GRM7: variants seen among roughly 807,000 people sequenced by gnomAD.
GRM7 encodes metabotropic glutamate receptor 7.
GRM7 carries 35 observed loss-of-function variants against 84.5 expected under a neutral mutation model. The ratio of observed to expected loss-of-function variants is 0.41; its 90% CI spans 0.32 to 0.55. The LOEUF is 0.55. GRM7 is among the 20% of genes least tolerant of loss of function. The pLI, the probability that GRM7 is intolerant of heterozygous loss-of-function variation, is 0.19. For missense variants in GRM7, 1,003 were observed against 1,194.6 expected (o/e 0.84, Z 2.36); for synonymous variants, 487 against 455.1 (o/e 1.07, Z -0.89).
intron 1 of GRM7, among the ~76,000 whole-genome samples, chr3:7,145,134 C>A (rs971242557): frequency 6.6e-6 from 1 of 151,962 alleles, no homozygotes; most frequent in East Asian, 1.9e-4. Context: ...TTTCAGGGCT[C>A]GAGGAATCAA....
In GRM7 at chr3:7,654,819, A is replaced by G. The variant is rs575951461; in HGVS notation, c.2452-25230A>G. Reference sequence around the variant, plus strand: ...TTTTTGTTCTTACGAAATACTATCCATAACTTAACTCCCAATTCTGTATTA... The same window carrying G: ...TTTTTGTTCTTACGAAATACTATCCGTAACTTAACTCCCAATTCTGTATTA... On this transcript the variant is annotated intron_variant, in intron 8 of 9. Coordinates refer to ENST00000357716, the MANE Select transcript of GRM7 (RefSeq NM_000844.4). 3.9e-5 allele frequency among the ~76,000 whole-genome samples: 6 copies of G among 152,364 alleles called. No individual in the cohort carries two copies. In the South Asian group the frequency reaches 1.2e-3, roughly 32 times the overall value.
intron 5 of GRM7, among the ~76,000 whole-genome samples, chr3:7,427,755 C>T (rs1204840245): frequency 6.6e-6 from 1 of 152,080 alleles, no homozygotes; most frequent in Non-Finnish European, 1.5e-5. Flanking sequence ...CCTCTGAGAT[C>T]ATTTTTGCTA....
At chr3:7,411,061 G>A (rs1695916164) in intron 4 of GRM7, among the ~76,000 whole-genome samples, 1 of 151,942 alleles carries the variant, frequency 6.6e-6, no homozygotes, top group Non-Finnish European at 1.5e-5. Flanking sequence ...CCCCATCTGT[G>A]TTCTTCTTCA....
At chr3:6,973,418 T>C (rs535620563) in intron 1 of GRM7, among the ~76,000 whole-genome samples, 30 of 152,306 alleles carry the variant, frequency 2.0e-4, no homozygotes, top group African/African-American at 6.3e-4. Flanking sequence ...AGGGAAAATG[T>C]ATACATATAC....
chr3:7,202,228 T>C (rs1366359160), intron 2 of GRM7, among the ~76,000 whole-genome samples: 1 of 152,238 alleles, frequency 6.6e-6, no homozygotes, highest in Non-Finnish European at 1.5e-5. Context: ...TCTTCTCTCA[T>C]TAAATACTAC....
chr3:7,039,748 T>C (rs1696522489), intron 1 of GRM7, among the ~76,000 whole-genome samples: 1 of 152,138 alleles, frequency 6.6e-6, no homozygotes, highest in African/African-American at 2.4e-5. Context: ...CCTAGATTAG[T>C]GAGACTCTGT....
intron 1 of GRM7, among the ~76,000 whole-genome samples, chr3:7,103,830 GTCTC>G (rs1699206473): frequency 1.5e-5 from 1 of 66,836 alleles, no homozygotes; most frequent in East Asian, 3.9e-4. Flanking sequence ...CTCTCTCTCT[GTCTC>G]TCTCTCCCTC....
At chr3:6,936,039 G>A (rs1168335974) in intron 1 of GRM7, among the ~76,000 whole-genome samples, 1 of 152,018 alleles carries the variant, frequency 6.6e-6, no homozygotes, top group Non-Finnish European at 1.5e-5. Context: ...TGCTTGCTTG[G>A]AAGTCTCCCA....
At chr3:6,931,035 CTAA>C (rs1697481731) in intron 1 of GRM7, among the ~76,000 whole-genome samples, 1 of 152,178 alleles carries the variant, frequency 6.6e-6, no homozygotes, top group Non-Finnish European at 1.5e-5. Context: ...ATTCTAGCAC[CTAA>C]AGGAGCCAGG....
chr3:7,162,442 G>A (rs950485659), intron 2 of GRM7, among the ~76,000 whole-genome samples: 3 of 151,604 alleles, frequency 2.0e-5, no homozygotes, highest in Non-Finnish European at 2.9e-5. Context: ...ATGAAATGAA[G>A]GTCCAGTGAG....
At chr3:7,034,095 A>C (rs1574815666) in intron 1 of GRM7, among the ~76,000 whole-genome samples, 1 of 152,184 alleles carries the variant, frequency 6.6e-6, no homozygotes, top group Admixed American at 6.5e-5. Flanking sequence ...CAAAGTATAT[A>C]GAAATTGGTC....
At chr3:7,731,640 C>T (rs1027716218) in intron 9 of GRM7, among the ~76,000 whole-genome samples, 2 of 152,178 alleles carry the variant, frequency 1.3e-5, no homozygotes, top group East Asian at 1.9e-4. Context: ...GGAGAGGAGG[C>T]TGAGTCCTGC....
chr3:7,299,467 G>A (rs937914044), intron 3 of GRM7, among the ~76,000 whole-genome samples: 6 of 151,968 alleles, frequency 3.9e-5, no homozygotes, highest in African/African-American at 1.4e-4. Context: ...ATTTATTTTT[G>A]TAATCTTTAT....
chr3:7,380,195 G>A (rs772926792), intron 4 of GRM7, among the ~76,000 whole-genome samples: 1 of 152,168 alleles, frequency 6.6e-6, no homozygotes, highest in African/African-American at 2.4e-5. Context: ...GAAGTCTTGA[G>A]TGTGTCTTTC....
At chr3:7,457,979 TA>T (rs1189784562) in intron 6 of GRM7, among the ~76,000 whole-genome samples, 1 of 152,190 alleles carries the variant, frequency 6.6e-6, no homozygotes, top group African/African-American at 2.4e-5. Flanking sequence ...TGAGTACTAA[TA>T]TTCAGAGTGG....
At chr3:7,454,218 C>T (rs1461904935) in intron 6 of GRM7, among the ~76,000 whole-genome samples, 1 of 151,730 alleles carries the variant, frequency 6.6e-6, no homozygotes, top group Non-Finnish European at 1.5e-5. Flanking sequence ...ACATATTTCT[C>T]AAAGTACAAA....
At chr3:7,460,044 A>T (rs1388456368) in intron 6 of GRM7, among the ~76,000 whole-genome samples, 1 of 146,554 alleles carries the variant, frequency 6.8e-6, no homozygotes, top group African/African-American at 2.5e-5. Flanking sequence ...ATTCATATTC[A>T]AATGAGAGTT....
chr3:6,976,247 A>G (rs549984774), intron 1 of GRM7, among the ~76,000 whole-genome samples: 2 of 152,236 alleles, frequency 1.3e-5, no homozygotes, highest in Non-Finnish European at 2.9e-5. Context: ...ATGTTTATTG[A>G]GCATTTGAAA....
At chr3:6,938,240 T>C (rs1286346504) in intron 1 of GRM7, among the ~76,000 whole-genome samples, 1 of 152,262 alleles carries the variant, frequency 6.6e-6, no homozygotes, top group African/African-American at 2.4e-5. Context: ...TGTATTATAG[T>C]GCTATATGGT....
Sources: gnomAD v4.1 joint callset for allele counts (sites outside exome capture counted in the v4.1 genomes callset) on GRCh38, gnomAD v4.1.1 for gene constraint, MANE v1.5 for transcripts, NCBI Gene and HGNC (gene_info 2026-07-23, HGNC 2026-07-21) for gene names.